The following GRM1 variants were observed in gnomAD, a reference collection of about 807,000 sequenced individuals.
GRM1 encodes glutamate metabotropic receptor 1, also known as metabotropic glutamate receptor 1.
In GRM1, 33 loss-of-function variants were observed where a neutral mutation model predicts 90.9. The ratio of observed to expected loss-of-function variants is 0.36; its 90% CI spans 0.28 to 0.49. GRM1 has a LOEUF of 0.49. Ranked by LOEUF, GRM1 falls within the 20% of genes least tolerant of loss-of-function variation. The pLI, the probability that GRM1 is intolerant of heterozygous loss-of-function variation, is 0.99. For missense variants in GRM1, 1,190 were observed against 1,534.3 expected (o/e 0.78, Z 3.75); for synonymous variants, 700 against 613.2 (o/e 1.14, Z -2.09).
At chr6:146,039,443 A>T (rs1791015912) in intron 1 of GRM1, among the ~76,000 whole-genome samples, 1 of 152,000 alleles carries the variant, frequency 6.6e-6, no homozygotes, top group Non-Finnish European at 1.5e-5. Flanking sequence ...GAAAAGAGAG[A>T]AAGAGCCTAG....
intron 4 of GRM1, among the ~76,000 whole-genome samples, chr6:146,355,474 G>T (rs362886): frequency 0.016 from 2,472 of 152,250 alleles, 32 homozygotes; most frequent in Non-Finnish European, 0.026. Context: ...AGTGCATTTT[G>T]TTTACCTGGC....
At chr6:146,423,238 G>A (rs1054296171) in intron 7 of GRM1, among the ~76,000 whole-genome samples, 2 of 152,128 alleles carry the variant, frequency 1.3e-5, no homozygotes, top group African/African-American at 4.8e-5. Flanking sequence ...TGAATATGTG[G>A]TTTTACAATT....
intron 2 of GRM1, among the ~76,000 whole-genome samples, chr6:146,173,799 T>G (rs1778235509): frequency 6.6e-6 from 1 of 151,986 alleles, no homozygotes; most frequent in Non-Finnish European, 1.5e-5. Flanking sequence ...CCCAAGTAGC[T>G]GGGATTACAG....
intron 7 of GRM1, among the ~76,000 whole-genome samples, chr6:146,431,433 G>A (rs898771284): frequency 7.2e-5 from 11 of 152,222 alleles, no homozygotes; most frequent in Non-Finnish European, 1.3e-4. Flanking sequence ...AACAGCCCAT[G>A]TGAATGAGTG....
At chr6:146,288,265 A>T (rs1170663428) in intron 2 of GRM1, among the ~76,000 whole-genome samples, 1 of 152,128 alleles carries the variant, frequency 6.6e-6, no homozygotes, top group Non-Finnish European at 1.5e-5. Context: ...CAAGGATGTT[A>T]TAGGCAATGC....
intron 2 of GRM1, among the ~76,000 whole-genome samples, chr6:146,184,902 A>G (rs976292353): frequency 6.6e-6 from 1 of 152,150 alleles, no homozygotes; most frequent in Non-Finnish European, 1.5e-5. Context: ...TTCCACTCAC[A>G]TTTCCCTGGA....
At chr6:146,249,556 C>A (rs916161139) in intron 2 of GRM1, among the ~76,000 whole-genome samples, 3 of 152,092 alleles carry the variant, frequency 2.0e-5, no homozygotes, top group African/African-American at 7.2e-5. Flanking sequence ...TGGGAACTTG[C>A]CTAGATTTCA....
chr6:146,205,757 T>C (rs894291662), intron 2 of GRM1, among the ~76,000 whole-genome samples: 11 of 152,170 alleles, frequency 7.2e-5, no homozygotes, highest in Non-Finnish European at 1.2e-4. Context: ...GGCACACACT[T>C]TTTCTGAAGG....
At chr6:146,312,448 A>C (rs377472422) in intron 3 of GRM1, among the ~76,000 whole-genome samples, 1 of 148,988 alleles carries the variant, frequency 6.7e-6, no homozygotes, top group South Asian at 2.2e-4. Flanking sequence ...GACAAATTTT[A>C]GCATAGAGTT....
Sources: allele counts gnomAD v4.1 joint callset (sites outside exome capture counted in the v4.1 genomes callset), GRCh38; gene constraint gnomAD v4.1.1; transcripts MANE v1.5; gene names NCBI Gene and HGNC (gene_info 2026-07-23, HGNC 2026-07-21).